The following GRM3 variants were observed in gnomAD, a reference collection of about 807,000 sequenced individuals.
GRM3 encodes metabotropic glutamate receptor 3.
A neutral mutation model predicts 70.5 loss-of-function variants in GRM3; 26 were observed. That is an observed-to-expected ratio of 0.37 (90% CI 0.27 to 0.51). The LOEUF (loss-of-function observed/expected upper bound fraction) is 0.51. Among genes scored for constraint, GRM3 ranks in the 20% least tolerant of loss-of-function variants. GRM3 has a pLI of 0.93. For missense variants in GRM3, 859 were observed against 1,123.8 expected, an observed-to-expected ratio of 0.76 and a Z score of 3.37; for synonymous variants, 443 against 434.9, an observed-to-expected ratio of 1.02 and a Z score of -0.23.
chr7:86,657,832 G>A (rs564465886), intron 1 of GRM3, among the ~76,000 whole-genome samples: 6 of 152,242 alleles, frequency 3.9e-5, no homozygotes, highest in South Asian at 4.1e-4. Flanking sequence ...TGCCTGGTAG[G>A]TAGGAATTAG....
chr7:86,833,430 C>G (rs1340547486), intron 3 of GRM3, among the ~76,000 whole-genome samples: 1 of 151,900 alleles, frequency 6.6e-6, no homozygotes, highest in East Asian at 1.9e-4. Flanking sequence ...AAAAAAAGAA[C>G]TATACAACTG....
rs565557446 is a variant in GRM3 at position 86,709,568 on chromosome 7, G to C, written c.-140-55438G>C. Among the ~76,000 whole-genome samples, 70 of 152,112 alleles carry C rather than the reference G, an allele frequency of 4.6e-4. 3 individuals carry two copies. Among genetic ancestry groups the C allele is most frequent in the Admixed American group, 3.7e-3 (56 of 15,258 alleles). ...AGACCCAGCCTTGTGGTACCTTCGG[G>C]GGGGTGGGGGTAGCAAATGGAACCA... On this transcript the variant is annotated intron_variant, in intron 1 of 5. Transcript: ENST00000361669.
At chr7:86,782,695 G>T (rs1232436745) in intron 2 of GRM3, among the ~76,000 whole-genome samples, 5 of 152,136 alleles carry the variant, frequency 3.3e-5, no homozygotes, top group Non-Finnish European at 5.9e-5. Flanking sequence ...CTGTGTTGCT[G>T]GTTCTTCTAA....
At chr7:86,852,225 T>G (rs1798767950) in intron 5 of GRM3, among the ~76,000 whole-genome samples, 1 of 152,180 alleles carries the variant, frequency 6.6e-6, no homozygotes, top group Admixed American at 6.6e-5. Flanking sequence ...AAGAAGGTTA[T>G]CCAAGCAAAA....
At chr7:86,676,765 G>T (rs1246693239) in intron 1 of GRM3, among the ~76,000 whole-genome samples, 1 of 151,930 alleles carries the variant, frequency 6.6e-6, no homozygotes, top group African/African-American at 2.4e-5. Flanking sequence ...GGGCAATAAT[G>T]CAGGCCATAT....
chr7:86,804,545 G>C (rs1001440142), intron 3 of GRM3, among the ~76,000 whole-genome samples: 2 of 152,134 alleles, frequency 1.3e-5, no homozygotes, highest in African/African-American at 4.8e-5. Context: ...GAGTAGCTGG[G>C]ATCACAGCTG....
intron 1 of GRM3, among the ~76,000 whole-genome samples, chr7:86,718,934 T>C (rs1460806560): frequency 6.6e-6 from 1 of 152,020 alleles, no homozygotes; most frequent in Non-Finnish European, 1.5e-5. Context: ...GAGCTCTGAA[T>C]GACACTGACT....
At chr7:86,755,746 GTAGAAGGCTC>G (rs1169101781) in intron 1 of GRM3, among the ~76,000 whole-genome samples, 2 of 152,122 alleles carry the variant, frequency 1.3e-5, no homozygotes, top group South Asian at 2.1e-4. Context: ...GGCTCTTTTA[GTAGAAGGCTC>G]TAGAATGCCT....
chr7:86,833,960 T>TA (rs1798407327), intron 3 of GRM3, among the ~76,000 whole-genome samples: 1 of 152,188 alleles, frequency 6.6e-6, no homozygotes. Context: ...GTAAATGTAT[T>TA]AAAAAATAAC....
chr7:86,764,665 T>A (rs1037370789), intron 1 of GRM3, among the ~76,000 whole-genome samples: 1 of 151,688 alleles, frequency 6.6e-6, no homozygotes, highest in South Asian at 2.1e-4. Flanking sequence ...ACAAAGTAAA[T>A]GACTCAGTAG....
At chr7:86,805,497 T>C (rs1448925750) in intron 3 of GRM3, among the ~76,000 whole-genome samples, 2 of 152,178 alleles carry the variant, frequency 1.3e-5, no homozygotes, top group Non-Finnish European at 2.9e-5. Context: ...ATGCATTCTA[T>C]ATGTTTTAAG....
chr7:86,836,935 C>G lies in GRM3; in HGVS notation c.1325-1904C>G, dbSNP rs141499953. Among the ~76,000 whole-genome samples, 4 of 152,284 alleles carry G rather than the reference C, an allele frequency of 2.6e-5. No homozygotes were observed. The East Asian group carries it at 7.7e-4, about 29-fold the overall frequency. Reference sequence around the variant, plus strand: ...CCATCTAACCCCAAAACTACACACTCAACTACTACATCACCCTGTGTTACA... The same window carrying G: ...CCATCTAACCCCAAAACTACACACTGAACTACTACATCACCCTGTGTTACA... On this transcript the variant is annotated intron_variant, in intron 3 of 5. Coordinates refer to ENST00000361669, the MANE Select transcript of GRM3 (RefSeq NM_000840.3).
At chr7:86,714,671 A>G (rs1464961154) in intron 1 of GRM3, among the ~76,000 whole-genome samples, 2 of 152,068 alleles carry the variant, frequency 1.3e-5, no homozygotes, top group African/African-American at 4.8e-5. Context: ...ATAAAGATTC[A>G]ATTTATTATC....
At chr7:86,831,468 A>G (rs1407616116) in intron 3 of GRM3, among the ~76,000 whole-genome samples, 2 of 152,202 alleles carry the variant, frequency 1.3e-5, no homozygotes, top group Non-Finnish European at 2.9e-5. Flanking sequence ...AGTTCACATT[A>G]AAGAAGGTCC....
intron 2 of GRM3, among the ~76,000 whole-genome samples, chr7:86,778,965 C>T (rs1705173914): frequency 6.6e-6 from 1 of 152,018 alleles, no homozygotes; most frequent in African/African-American, 2.4e-5. Context: ...GGTATTCTTA[C>T]ACAAAAGCAA....
chr7:86,658,367 C>T (rs1401560381), intron 1 of GRM3, among the ~76,000 whole-genome samples: 1 of 152,186 alleles, frequency 6.6e-6, no homozygotes, highest in East Asian at 1.9e-4. Flanking sequence ...TTTGCCCTTA[C>T]ACTTGTTGTT....
At position 86,839,348 on chromosome 7, in the gene GRM3, C is replaced by T. The variant is rs775560772; in HGVS notation, c.1834C>T (p.Arg612Ter). 1.2e-6 allele frequency: 2 copies of T among 1,613,982 alleles called. No individual in the cohort carries two copies. The highest frequency in any genetic ancestry group is 1.7e-6 in the Non-Finnish European group (2 of 1,179,944). Reference sequence around the variant, plus strand: ...CACACCCTTGGTCAAAGCATCGGGCCGAGAACTCTGCTACATCTTATTGTT... The same window carrying T: ...CACACCCTTGGTCAAAGCATCGGGCTGAGAACTCTGCTACATCTTATTGTT... The part of the protein sequence containing the change: ...NNTPLVKASG[R>*]ELCYILLFGV... The change falls in exon 4 of 6, where the codon CGA (arginine) becomes TGA (stop). Residue 612 changes from arginine (R) to a stop codon, truncating the protein, a stop_gained. Transcript: ENST00000361669. LOFTEE classifies it high-confidence loss of function. The surrounding 1 kb of genome is among the most constrained non-coding windows in gnomAD (Gnocchi z 4.5).
rs752373180 is a variant in GRM3 at position 86,786,404 on chromosome 7, C to G, written c.612C>G (p.Ile204Met). 6.2e-6 allele frequency: 10 copies of G among 1,614,092 alleles called. No individual in the cohort carries two copies. Among genetic ancestry groups the G allele is most frequent in the Non-Finnish European group, 8.5e-6 (10 of 1,180,038 alleles). The stretch of plus-strand genomic sequence containing the variant: ...ACCAGGCCAAAGCCATGGCTGAGAT[C>G]TTGCGCTTCTTCAACTGGACCTACG... ...DFYQAKAMAE[I>M]LRFFNWTYVS... is the part of the protein sequence containing the mutation. The change falls in exon 3 of 6, where the codon ATC (isoleucine) becomes ATG (methionine). Residue 204 changes from isoleucine to methionine, a missense_variant. Coordinates refer to ENST00000361669, the MANE Select transcript of GRM3 (RefSeq NM_000840.3). The surrounding 1 kb of genome is among the most constrained non-coding windows in gnomAD (Gnocchi z 6.0).
chr7:86,683,710 T>C (rs1445624033), intron 1 of GRM3, among the ~76,000 whole-genome samples: 1 of 152,150 alleles, frequency 6.6e-6, no homozygotes, highest in Non-Finnish European at 1.5e-5. Context: ...AAGGAATATG[T>C]CTCTGCCTTG....
Sources: gnomAD v4.1 joint callset for allele counts (sites outside exome capture counted in the v4.1 genomes callset) on GRCh38, gnomAD v4.1.1 for gene constraint, Gnocchi (gnomAD v3.1) non-coding constraint, MANE v1.5 for transcripts, NCBI Gene and HGNC (gene_info 2026-07-23, HGNC 2026-07-21) for gene names.